CA10: variants seen among roughly 807,000 people sequenced by gnomAD.
The protein encoded by CA10 is carbonic anhydrase-related protein 10.
CA10 carries 14 observed loss-of-function variants against 44.2 expected under a neutral mutation model. The ratio of observed to expected loss-of-function variants is 0.32; its 90% CI spans 0.21 to 0.50. The LOEUF is 0.50. CA10 is among the 20% of genes least tolerant of loss of function. The probability of loss-of-function intolerance (pLI) is 0.99; values close to 1 mark genes in which losing one functional copy is unlikely to be tolerated. For synonymous variants in CA10, 159 were observed against 141.6 expected, an observed-to-expected ratio of 1.12 and a Z score of -0.87; for missense variants, 350 against 409.7, an observed-to-expected ratio of 0.85 and a Z score of 1.26.
At chr17:52,027,907 TCCCTTGAA>T (rs759693082) in intron 2 of CA10, among the ~76,000 whole-genome samples, 1 of 152,140 alleles carries the variant, frequency 6.6e-6, no homozygotes, top group Non-Finnish European at 1.5e-5. Flanking sequence ...GAATCTCCCT[TCCCTTGAA>T]CCCTTGTGTC....
chr17:52,101,108 C>A (rs1026586550), intron 1 of CA10, among the ~76,000 whole-genome samples: 1 of 152,182 alleles, frequency 6.6e-6, no homozygotes, highest in African/African-American at 2.4e-5. Flanking sequence ...GCTGATGCCA[C>A]CATTCCCTGC....
chr17:51,933,633 T>A (rs1432072017), intron 2 of CA10, among the ~76,000 whole-genome samples: 1 of 152,132 alleles, frequency 6.6e-6, no homozygotes, highest in Non-Finnish European at 1.5e-5. Context: ...AACGGAAAAG[T>A]AATACAGCAC....
chr17:51,919,263 C>A (rs1982128733), intron 3 of CA10, among the ~76,000 whole-genome samples: 1 of 152,092 alleles, frequency 6.6e-6, no homozygotes, highest in Admixed American at 6.5e-5. Context: ...TTACATAGAA[C>A]AACTTTGTGG....
chr17:51,942,929 G>A (rs1187065242), intron 2 of CA10, among the ~76,000 whole-genome samples: 1 of 152,020 alleles, frequency 6.6e-6, no homozygotes, highest in Non-Finnish European at 1.5e-5. Flanking sequence ...TTATTGAGTG[G>A]GTGGATGGAT....
intron 2 of CA10, among the ~76,000 whole-genome samples, chr17:51,964,476 A>G (rs1984005947): frequency 6.6e-6 from 1 of 152,024 alleles, no homozygotes; most frequent in Non-Finnish European, 1.5e-5. Flanking sequence ...CTGCACATGG[A>G]ACATACAACA....
chr17:51,778,751 CAGA>C (rs1567836646), intron 3 of CA10, among the ~76,000 whole-genome samples: 3 of 152,192 alleles, frequency 2.0e-5, no homozygotes. Flanking sequence ...CCGAAACAAT[CAGA>C]GGAGAGTATG....
chr17:51,948,963 T>C (rs1983384325), intron 2 of CA10, among the ~76,000 whole-genome samples: 1 of 152,176 alleles, frequency 6.6e-6, no homozygotes, highest in Non-Finnish European at 1.5e-5. Flanking sequence ...CATAATATAT[T>C]GAGTGATAAC....
chr17:51,718,360 A>C (rs984945181), intron 4 of CA10, among the ~76,000 whole-genome samples: 3 of 152,186 alleles, frequency 2.0e-5, no homozygotes, highest in African/African-American at 7.2e-5. Flanking sequence ...GAGAGGCCGA[A>C]GGTTGAGCTA....
chr17:51,902,827 G>T (rs1460569941), intron 3 of CA10, among the ~76,000 whole-genome samples: 3 of 152,168 alleles, frequency 2.0e-5, no homozygotes, highest in Non-Finnish European at 4.4e-5. Context: ...AAAGTGTTAG[G>T]CATTCAGTGA....
chr17:51,675,183 A>G (rs954493042), intron 4 of CA10, among the ~76,000 whole-genome samples: 2 of 152,182 alleles, frequency 1.3e-5, no homozygotes, highest in African/African-American at 4.8e-5. Context: ...CCAAACTGCC[A>G]TGAGGTTTGG....
chr17:52,119,488 T>C (rs2035563744), intron 1 of CA10, among the ~76,000 whole-genome samples: 1 of 152,124 alleles, frequency 6.6e-6, no homozygotes, highest in Non-Finnish European at 1.5e-5. Context: ...AGAATGTTGC[T>C]TTCTAACAAG....
At chr17:51,661,353 C>T (rs116974280) in intron 4 of CA10, among the ~76,000 whole-genome samples, 2 of 152,278 alleles carry the variant, frequency 1.3e-5, no homozygotes, top group East Asian at 3.9e-4. Flanking sequence ...TCTGGAATTC[C>T]AAAGGTTATC....
At chr17:51,839,264 G>T (rs933913067) in intron 3 of CA10, among the ~76,000 whole-genome samples, 5 of 152,090 alleles carry the variant, frequency 3.3e-5, no homozygotes, top group Non-Finnish European at 7.4e-5. Flanking sequence ...AGTCCAAGGT[G>T]GGCGGATCAC....
At position 52,158,075 on chromosome 17, in the gene CA10, G is replaced by A; in HGVS notation, c.-289C>T. The A allele has an allele frequency of 1.9e-6, 1 of 520,384 alleles. No individual in the cohort carries two copies. The highest frequency in any genetic ancestry group is 3.4e-6 in the Non-Finnish European group (1 of 290,760). 32.2% of individuals were successfully genotyped at this position (520,384 alleles called of 1,614,324 possible). A position where few individuals can be genotyped will look rare whatever the true frequency, so the allele number is the denominator to read the frequency against. On this transcript the variant is annotated 5_prime_UTR_variant, in exon 1 of 9. An upstream open reading frame in the 5' UTR gains an earlier in-frame stop. Coordinates refer to ENST00000451037, the MANE Select transcript of CA10 (RefSeq NM_020178.5). ...CCCCGCTCGCGTGTCTCTTCTCTTCGCACCAGCGGCGGAAACCGCACTAGC... is the reference window on the plus strand; with the variant it reads ...CCCCGCTCGCGTGTCTCTTCTCTTCACACCAGCGGCGGAAACCGCACTAGC...
At chr17:52,014,286 A>G (rs1985899988) in intron 2 of CA10, among the ~76,000 whole-genome samples, 1 of 152,008 alleles carries the variant, frequency 6.6e-6, no homozygotes, top group African/African-American at 2.4e-5. Flanking sequence ...TAAGTTATAG[A>G]CAACTAGACC....
intron 1 of CA10, among the ~76,000 whole-genome samples, chr17:52,150,357 C>T (rs944575738): frequency 6.6e-6 from 1 of 152,152 alleles, no homozygotes; most frequent in African/African-American, 2.4e-5. Flanking sequence ...ATTACAATGC[C>T]TATCACATTC....
intron 2 of CA10, among the ~76,000 whole-genome samples, chr17:51,980,751 C>T (rs147684799): frequency 1.3e-5 from 2 of 152,206 alleles, no homozygotes; most frequent in Non-Finnish European, 2.9e-5. Flanking sequence ...GCCAGTTTTC[C>T]CAGTGCCATT....
intron 2 of CA10, among the ~76,000 whole-genome samples, chr17:51,971,929 T>A (rs569404823): frequency 6.6e-6 from 1 of 152,172 alleles, no homozygotes; most frequent in South Asian, 2.1e-4. Context: ...TCCTGTATTC[T>A]ACCAACCAAC....
At position 52,145,679 on chromosome 17, in the gene CA10, G is replaced by A. The variant is rs1989567724; in HGVS notation, c.61+12047C>T. Among the ~76,000 whole-genome samples the A allele has an allele frequency of 2.0e-5, 3 of 152,128 alleles. No individual in the cohort carries two copies. In the South Asian group the frequency reaches 6.2e-4, roughly 31 times the overall value. On this transcript the variant is annotated intron_variant, in intron 1 of 8. Coordinates refer to ENST00000451037, the MANE Select transcript of CA10 (RefSeq NM_020178.5). ...GCAAAATAACATCTTGAATCCCATA[G>A]CTATTTAGGTTTGTTTAATAGATTT...
Sources: allele counts gnomAD v4.1 joint callset (sites outside exome capture counted in the v4.1 genomes callset), GRCh38; gene constraint gnomAD v4.1.1; transcripts MANE v1.5; gene names NCBI Gene and HGNC (gene_info 2026-07-23, HGNC 2026-07-21).